ZNF277: variants seen among roughly 807,000 people sequenced by gnomAD.
ZNF277 encodes zinc finger protein 277, also known as nuclear receptor-interacting factor 4.
ZNF277 carries 55 observed loss-of-function variants against 60.7 expected under a neutral mutation model. That is an observed-to-expected ratio of 0.91 (90% CI 0.73 to 1.13). ZNF277 has a LOEUF of 1.13. ZNF277 is among the 50% of genes most tolerant of loss of function. The pLI, the probability that ZNF277 is intolerant of heterozygous loss-of-function variation, is 0.00. For missense variants in ZNF277, 510 were observed against 523.0 expected (o/e 0.98, Z 0.24); for synonymous variants, 178 against 179.3 (o/e 0.99, Z 0.06).
intron 7 of ZNF277, among the ~76,000 whole-genome samples, chr7:112,333,502 T>C (rs1172088243): frequency 6.6e-6 from 1 of 152,134 alleles, no homozygotes; most frequent in Non-Finnish European, 1.5e-5. Flanking sequence ...AGTCATTGAG[T>C]CATTCACACA....
At chr7:112,248,481 C>T (rs1292366932) in intron 1 of ZNF277, among the ~76,000 whole-genome samples, 1 of 151,448 alleles carries the variant, frequency 6.6e-6, no homozygotes, top group Non-Finnish European at 1.5e-5. Flanking sequence ...TTAAACAGAG[C>T]TTTAATTTTT....
chr7:112,336,830 A>G (rs1793344128), intron 8 of ZNF277, among the ~76,000 whole-genome samples: 2 of 152,198 alleles, frequency 1.3e-5, no homozygotes, highest in South Asian at 4.1e-4. Flanking sequence ...CATCTTTCCC[A>G]TTAAGACATA....
At chr7:112,270,493 C>G (rs561250400) in intron 1 of ZNF277, among the ~76,000 whole-genome samples, 1 of 152,214 alleles carries the variant, frequency 6.6e-6, no homozygotes, top group African/African-American at 2.4e-5. Context: ...CTGATTGATT[C>G]AAACCACTGT....
intron 1 of ZNF277, among the ~76,000 whole-genome samples, chr7:112,243,325 C>T (rs771480263): frequency 3.3e-5 from 5 of 151,744 alleles, no homozygotes; most frequent in South Asian, 2.1e-4. Context: ...CAAAGATAGA[C>T]AAGTTGAACT....
intron 1 of ZNF277, among the ~76,000 whole-genome samples, chr7:112,223,246 G>A (rs1822081657): frequency 1.3e-5 from 2 of 152,172 alleles, no homozygotes; most frequent in South Asian, 4.1e-4. Context: ...GAGATTCGGG[G>A]CCATTTCAGG....
chr7:112,213,525 C>T (rs573340402), intron 1 of ZNF277, among the ~76,000 whole-genome samples: 1 of 152,182 alleles, frequency 6.6e-6, no homozygotes, highest in Non-Finnish European at 1.5e-5. Context: ...TGAGCACTAA[C>T]TGTGCCAGAT....
At chr7:112,219,334 G>A (rs1015830405) in intron 1 of ZNF277, among the ~76,000 whole-genome samples, 1 of 152,094 alleles carries the variant, frequency 6.6e-6, no homozygotes, top group Non-Finnish European at 1.5e-5. Context: ...TTTTCTTCTA[G>A]GAGTTTTACA....
At chr7:112,284,682 A>G (rs1032143839) in intron 1 of ZNF277, among the ~76,000 whole-genome samples, 3 of 151,972 alleles carry the variant, frequency 2.0e-5, no homozygotes, top group African/African-American at 7.3e-5. Flanking sequence ...TGTATATCCT[A>G]TGTGTTTTCA....
chr7:112,244,099 G>T (rs1001707380), intron 1 of ZNF277, among the ~76,000 whole-genome samples: 2 of 152,116 alleles, frequency 1.3e-5, no homozygotes, highest in Admixed American at 1.3e-4. Flanking sequence ...GCTAAATAAT[G>T]TATACTCATG....
chr7:112,243,987 T>C (rs1049596439), intron 1 of ZNF277, among the ~76,000 whole-genome samples: 4 of 152,150 alleles, frequency 2.6e-5, no homozygotes, highest in Non-Finnish European at 4.4e-5. Context: ...AATGCAATCA[T>C]TTATTTTGCA....
intron 4 of ZNF277, among the ~76,000 whole-genome samples, chr7:112,303,872 A>T (rs1479938491): frequency 6.6e-6 from 1 of 152,116 alleles, no homozygotes; most frequent in Non-Finnish European, 1.5e-5. Flanking sequence ...AAGTAGAAGA[A>T]AAATACTATA....
intron 1 of ZNF277, among the ~76,000 whole-genome samples, chr7:112,278,240 A>G (rs1337970980): frequency 1.3e-5 from 2 of 152,222 alleles, no homozygotes; most frequent in African/African-American, 4.8e-5. Flanking sequence ...TCAGGACCTA[A>G]TAGTAGATAT....
chr7:112,292,806 C>T (rs1792238621), intron 2 of ZNF277, among the ~76,000 whole-genome samples: 1 of 152,138 alleles, frequency 6.6e-6, no homozygotes, highest in Non-Finnish European at 1.5e-5. Context: ...CCACTTTAGC[C>T]ACCTATATGT....
chr7:112,286,841 C>CTTTTTTTTTTTTTTTTTTTTTTTTTTTT lies in ZNF277; in HGVS notation c.92-13_92-12insTTTTTTTTTTTTTTTTTTTTTTTTTTTT, dbSNP rs10710470. The CTTTTTTTTTTTTTTTTTTTTTTTTTTTT allele has an allele frequency of 3.0e-5, 29 of 952,480 alleles. 4 individuals carry two copies. The highest frequency in any genetic ancestry group is 2.4e-4 in the Admixed American group (6 of 25,098). The allele number at this position is 952,480 out of a possible 1,614,324, so 59.0% of individuals were successfully genotyped here. On this transcript the variant is annotated intron_variant, in intron 1 of 11. Transcript: ENST00000361822. ...AGTTGGTTTCAGCTTTTCTTTCTTT[C>CTTTTTTTTTTTTTTTTTTTTTTTTTTTT]TTTTTTTTTTTTTTTTTTTGGTCTA...
intron 1 of ZNF277, among the ~76,000 whole-genome samples, chr7:112,236,610 T>G (rs1400485353): frequency 1.3e-5 from 2 of 152,124 alleles, no homozygotes; most frequent in Non-Finnish European, 2.9e-5. Flanking sequence ...AGTTTTAAAA[T>G]GGAAAACTAG....
intron 6 of ZNF277, chr7:112,328,487 T>G (rs1313547724): frequency 6.6e-6 from 1 of 152,100 alleles, no homozygotes; most frequent in Admixed American, 6.6e-5. Context: ...GGCCCAAAAT[T>G]TTTTCTCTGA....
chr7:112,208,597 T>TTC (rs1293290566), intron 1 of ZNF277, among the ~76,000 whole-genome samples: 6 of 126,866 alleles, frequency 4.7e-5, no homozygotes, highest in African/African-American at 1.5e-4. Context: ...CTTCTTCTTC[T>TTC]TTTTTTTTTT....
intron 5 of ZNF277, 68 bp downstream of exon 5, chr7:112,318,341 G>T: frequency 7.2e-7 from 1 of 1,380,422 alleles, no homozygotes; most frequent in Non-Finnish European, 1.0e-6. Flanking sequence ...ATCCCTAACT[G>T]TTGGTTATAT....
In ZNF277 at chr7:112,343,628, G is replaced by A. The variant is rs763320253; in HGVS notation, c.*899G>A. On this transcript the variant is annotated 3_prime_UTR_variant, in exon 12 of 12. Coordinates refer to ENST00000361822, the MANE Select transcript of ZNF277 (RefSeq NM_021994.3). ...ATAATTTGGATATAATGAAGAAACA[G>A]TCAAATCCAAGTTTGAGGCTGGGCA... 6.6e-6 allele frequency among the ~76,000 whole-genome samples: 1 copy of A among 152,076 alleles called. No individual in the cohort carries two copies. Among genetic ancestry groups the A allele is most frequent in the Non-Finnish European group, 1.5e-5 (1 of 68,024 alleles).
Sources: allele counts gnomAD v4.1 joint callset (sites outside exome capture counted in the v4.1 genomes callset), GRCh38; gene constraint gnomAD v4.1.1; transcripts MANE v1.5; gene names NCBI Gene and HGNC (gene_info 2026-07-23, HGNC 2026-07-21).